The following CYTL1 variants were observed in gnomAD, a reference collection of about 807,000 sequenced individuals.
The protein encoded by CYTL1 is cytokine like 1.
Under a neutral mutation model 13.1 loss-of-function variants are expected in CYTL1, and 17 were observed. That is an observed-to-expected ratio of 1.29 (90% CI 0.89 to 1.94). The LOEUF is 1.94. Ranked by LOEUF, CYTL1 falls within the 30% of genes most tolerant of loss-of-function variation. The pLI, the probability that CYTL1 is intolerant of heterozygous loss-of-function variation, is 0.00. For missense variants in CYTL1, 213 were observed against 174.8 expected, an observed-to-expected ratio of 1.22 and a Z score of -1.23; for synonymous variants, 91 against 79.4, an observed-to-expected ratio of 1.15 and a Z score of -0.78.
At chr4:5,017,670 T>C (rs959253621) in intron 1 of CYTL1, among the ~76,000 whole-genome samples, 31 of 151,046 alleles carry the variant, frequency 2.1e-4, no homozygotes, top group Non-Finnish European at 4.0e-4. Flanking sequence ...TATATAACAG[T>C]TGTATAACTG....
In CYTL1 at chr4:5,014,954, G is replaced by C. The variant is rs1373659702; in HGVS notation, c.*197C>G. 2 of 587,262 alleles carry C rather than the reference G, an allele frequency of 3.4e-6. No homozygotes were observed. The highest frequency in any genetic ancestry group is 6.0e-5 in the East Asian group (2 of 33,604). The allele number at this position is 587,262 out of a possible 1,614,324, so 36.4% of individuals were successfully genotyped here. A position where few individuals can be genotyped will look rare whatever the true frequency, so the allele number is the denominator to read the frequency against. On this transcript the variant is annotated 3_prime_UTR_variant, in exon 4 of 4. Transcript: ENST00000307746. Reference sequence around the variant, plus strand: ...AAGACATGAGTCAAGGGAATGAGAAGCATGGTTGCTAACTCTATGCTCAAA... The same window carrying C: ...AAGACATGAGTCAAGGGAATGAGAACCATGGTTGCTAACTCTATGCTCAAA...
chr4:5,015,209 C>G lies in CYTL1; in HGVS notation c.353G>C (p.Cys118Ser). The change falls in exon 4 of 4, where the codon TGC (cysteine) becomes TCC (serine). Residue 118 changes from cysteine to serine, a missense_variant. Transcript: ENST00000307746. Reference protein sequence around the residue: ...RRDLVFLLDDCNALEYPIPVT... With the variant: ...RRDLVFLLDDSNALEYPIPVT... ...TGGGATTGGGTATTCCAAGGCATTG[C>G]AGTCATCCAACAGGAATACCAAATC... 6.2e-7 allele frequency: 1 copy of G among 1,613,690 alleles called. No homozygotes were observed. Among genetic ancestry groups the G allele is most frequent in the Non-Finnish European group, 8.5e-7 (1 of 1,179,804 alleles).
chr4:5,017,207 A>T (rs1409410301), intron 1 of CYTL1, 28 bp from the exon 2 acceptor site: 1 of 1,611,656 alleles, frequency 6.2e-7, no homozygotes, highest in Non-Finnish European at 8.5e-7. Flanking sequence ...GGGTTCTGGG[A>T]TGCCCACAGG....
At chr4:5,018,874 C>A (rs1008367975) in intron 1 of CYTL1, among the ~76,000 whole-genome samples, 6 of 152,208 alleles carry the variant, frequency 3.9e-5, no homozygotes, top group African/African-American at 1.4e-4. Flanking sequence ...GTTCTGTGAG[C>A]CACCTCTTAG....
intron 1 of CYTL1, among the ~76,000 whole-genome samples, chr4:5,017,630 T>TATATA: frequency 6.7e-6 from 1 of 150,168 alleles, no homozygotes; most frequent in Admixed American, 6.7e-5. Flanking sequence ...AATAATATAC[T>TATATA]TATATAATAA....
Position 5,015,004 on chromosome 4 carries a change from G to A in CYTL1, c.*147C>T, listed in dbSNP as rs1259731145. ...AGGAGGTTCCTGGGTAGGAATACCA[G>A]CCCTGTTTTCCAGAAGGTAGAGAGA... On this transcript the variant is annotated 3_prime_UTR_variant, in exon 4 of 4. Transcript: ENST00000307746. 9.7e-6 allele frequency: 7 copies of A among 724,320 alleles called. No homozygotes were observed. The highest frequency in any genetic ancestry group is 1.5e-5 in the Non-Finnish European group (6 of 413,304). 44.9% of individuals were successfully genotyped at this position (724,320 alleles called of 1,614,324 possible).
Sources: gnomAD v4.1 joint callset for allele counts (sites outside exome capture counted in the v4.1 genomes callset) on GRCh38, gnomAD v4.1.1 for gene constraint, MANE v1.5 for transcripts, NCBI Gene and HGNC (gene_info 2026-07-23, HGNC 2026-07-21) for gene names.